The following A1CF variants were observed in gnomAD, a reference collection of about 807,000 sequenced individuals.
A1CF encodes APOBEC1 complementation factor.
A1CF carries 48 observed loss-of-function variants against 68.9 expected under a neutral mutation model. That is an observed-to-expected ratio of 0.70 (90% CI 0.55 to 0.89). The LOEUF is 0.89. Among genes scored for constraint, A1CF ranks in the 40% least tolerant of loss-of-function variants. A1CF has a pLI of 0.00. For missense variants in A1CF, 653 were observed against 718.9 expected, an observed-to-expected ratio of 0.91 and a Z score of 1.05; for synonymous variants, 272 against 260.4, an observed-to-expected ratio of 1.04 and a Z score of -0.43.
At chr10:50,859,247 GATA>G (rs1840626301) in intron 3 of A1CF, among the ~76,000 whole-genome samples, 1 of 152,046 alleles carries the variant, frequency 6.6e-6, no homozygotes, top group Admixed American at 6.6e-5. Context: ...ATATCATAAA[GATA>G]ATAATAATAT....
intron 6 of A1CF, among the ~76,000 whole-genome samples, chr10:50,834,746 T>A (rs1839407167): frequency 1.3e-5 from 2 of 152,240 alleles, no homozygotes; most frequent in African/African-American, 4.8e-5. Flanking sequence ...CTGGTGGTAA[T>A]GTTCAGGATG....
Position 50,809,900 on chromosome 10 carries a change from AAGCAGT to A in A1CF, c.1597_1602del (p.Thr533_Ala534del), listed in dbSNP as rs1251217084. On this transcript the variant is annotated inframe_deletion, in exon 12 of 13. Coordinates refer to ENST00000373997, the MANE Select transcript of A1CF (RefSeq NM_014576.4). ...TGGCACAATTTTCCCATACCTGGGA[AAGCAGT>A]AGCAGCAGCAGCAGCAGTAGCCATG... The A allele has an allele frequency of 6.2e-7, 1 of 1,613,888 alleles. No homozygotes were observed. The highest frequency in any genetic ancestry group is 2.2e-5 in the East Asian group (1 of 44,846).
At chr10:50,838,190 C>T (rs1232918753) in intron 5 of A1CF, among the ~76,000 whole-genome samples, 1 of 152,098 alleles carries the variant, frequency 6.6e-6, no homozygotes, top group Non-Finnish European at 1.5e-5. Flanking sequence ...GCGAATGGCT[C>T]TTGGTTGTGT....
At chr10:50,851,336 G>C (rs144248007) in intron 3 of A1CF, among the ~76,000 whole-genome samples, 2 of 152,154 alleles carry the variant, frequency 1.3e-5, no homozygotes, top group Non-Finnish European at 2.9e-5. Context: ...AATGTTCATA[G>C]GATGTTTTGT....
intron 1 of A1CF, among the ~76,000 whole-genome samples, chr10:50,878,657 T>A (rs553118212): frequency 1.3e-5 from 2 of 152,188 alleles, no homozygotes; most frequent in African/African-American, 4.8e-5. Context: ...ATAGAAAGGA[T>A]TTGATTTTAC....
chr10:50,884,724 T>C (rs1457573753), intron 1 of A1CF, among the ~76,000 whole-genome samples: 1 of 152,246 alleles, frequency 6.6e-6, no homozygotes, highest in East Asian at 1.9e-4. Flanking sequence ...ATTGTTTAGT[T>C]TGGAATCCTT....
At chr10:50,814,568 C>T (rs1223309277) in intron 9 of A1CF, among the ~76,000 whole-genome samples, 11 of 152,198 alleles carry the variant, frequency 7.2e-5, no homozygotes, top group Non-Finnish European at 1.3e-4. Flanking sequence ...TTTAGGTTCA[C>T]CATGCTCTCT....
At chr10:50,824,686 A>T (rs1024909030) in intron 7 of A1CF, among the ~76,000 whole-genome samples, 2 of 152,174 alleles carry the variant, frequency 1.3e-5, no homozygotes, top group Non-Finnish European at 2.9e-5. Flanking sequence ...TGAATGAATG[A>T]GTGAGTGAAT....
chr10:50,831,901 A>T (rs1187487063), intron 6 of A1CF, among the ~76,000 whole-genome samples: 2 of 152,214 alleles, frequency 1.3e-5, no homozygotes, highest in Non-Finnish European at 2.9e-5. Context: ...GGCCATTATC[A>T]AAAAGATCAA....
chr10:50,812,548 T>A (rs1446098736), intron 10 of A1CF, among the ~76,000 whole-genome samples: 4 of 152,248 alleles, frequency 2.6e-5, no homozygotes. Flanking sequence ...TATACAGAAT[T>A]TGCGACTATT....
At chr10:50,862,454 A>G (rs1212394653) in intron 2 of A1CF, among the ~76,000 whole-genome samples, 1 of 152,192 alleles carries the variant, frequency 6.6e-6, no homozygotes, top group Non-Finnish European at 1.5e-5. Context: ...TTAGGGACAG[A>G]ACAATGTCAT....
chr10:50,854,649 C>A (rs185457350), intron 3 of A1CF, among the ~76,000 whole-genome samples: 1 of 151,892 alleles, frequency 6.6e-6, no homozygotes, highest in East Asian at 1.9e-4. Flanking sequence ...TAGATACATT[C>A]TTTTTCATTT....
rs762852517 is a variant in A1CF, at chr10:50,820,662, G to A, written c.770-13C>T. On this transcript the variant is annotated splice_polypyrimidine_tract_variant and intron_variant, in intron 7 of 12. Coordinates refer to ENST00000373997, the MANE Select transcript of A1CF (RefSeq NM_014576.4). Reference sequence around the variant, plus strand: ...CTCTCCACAGCACCTGTAAAATAGAGTGAAGGTTGCCCCATTAACAAAATT... The same window carrying A: ...CTCTCCACAGCACCTGTAAAATAGAATGAAGGTTGCCCCATTAACAAAATT... 1 of 1,606,066 alleles carries A rather than the reference G, an allele frequency of 6.2e-7. No homozygotes were observed. Among genetic ancestry groups the A allele is most frequent in the South Asian group, 1.1e-5 (1 of 89,834 alleles).
At chr10:50,808,695 C>G (rs78356068) in intron 12 of A1CF, among the ~76,000 whole-genome samples, 3 of 152,240 alleles carry the variant, frequency 2.0e-5, no homozygotes, top group Non-Finnish European at 4.4e-5. Context: ...AGAAACAAAG[C>G]CAGAATTGAG....
chr10:50,868,159 T>C (rs938191086), intron 1 of A1CF, among the ~76,000 whole-genome samples: 1 of 152,224 alleles, frequency 6.6e-6, no homozygotes, highest in Admixed American at 6.5e-5. Context: ...ATAACTTTTA[T>C]GTAACATGCA....
intron 1 of A1CF, among the ~76,000 whole-genome samples, chr10:50,875,977 T>C (rs1027479354): frequency 6.6e-6 from 1 of 152,186 alleles, no homozygotes; most frequent in African/African-American, 2.4e-5. Flanking sequence ...TCAATACAAG[T>C]CTGGAGCTAT....
At chr10:50,845,323 C>T (rs1468042184) in intron 3 of A1CF, among the ~76,000 whole-genome samples, 3 of 152,140 alleles carry the variant, frequency 2.0e-5, no homozygotes, top group South Asian at 4.1e-4. Flanking sequence ...GTTTATATCT[C>T]AACCAAGAAT....
intron 3 of A1CF, among the ~76,000 whole-genome samples, chr10:50,857,748 A>C (rs1285505532): frequency 6.6e-6 from 1 of 152,210 alleles, no homozygotes; most frequent in Non-Finnish European, 1.5e-5. Context: ...GTTGTTGGCA[A>C]GGAGAAGTGG....
chr10:50,807,946 T>A (rs961196554), intron 12 of A1CF, among the ~76,000 whole-genome samples: 1 of 152,226 alleles, frequency 6.6e-6, no homozygotes, highest in African/African-American at 2.4e-5. Flanking sequence ...TTGAATCCAC[T>A]CTTGGTGCAT....
Sources: gnomAD v4.1 joint callset for allele counts (sites outside exome capture counted in the v4.1 genomes callset) on GRCh38, gnomAD v4.1.1 for gene constraint, MANE v1.5 for transcripts, NCBI Gene and HGNC (gene_info 2026-07-23, HGNC 2026-07-21) for gene names.